QKI: variants seen among roughly 807,000 people sequenced by gnomAD.
The protein encoded by QKI is KH domain-containing RNA-binding protein QKI.
A neutral mutation model predicts 39.0 loss-of-function variants in QKI; 10 were observed. That is an observed-to-expected ratio of 0.26 (90% confidence interval 0.16 to 0.43). The LOEUF (loss-of-function observed/expected upper bound fraction) is 0.43, where lower values mean the gene tolerates loss of function less well. Ranked by LOEUF, QKI falls within the 20% of genes least tolerant of loss-of-function variation. The pLI is 1.00. For synonymous variants in QKI, 204 were observed against 155.4 expected (o/e 1.31, Z -2.33); for missense variants, 218 against 428.0 (o/e 0.51, Z 4.33).
intron 3 of QKI, among the ~76,000 whole-genome samples, chr6:163,481,475 TAC>T (rs1793073020): frequency 6.6e-6 from 1 of 152,100 alleles, no homozygotes; most frequent in Non-Finnish European, 1.5e-5. Flanking sequence ...TTGAAAAAAA[TAC>T]CTGTGAAAGG....
intron 3 of QKI, among the ~76,000 whole-genome samples, chr6:163,531,707 G>C (rs749680344): frequency 2.0e-5 from 3 of 152,160 alleles, no homozygotes; most frequent in Admixed American, 2.0e-4. Context: ...GGGTCTGACT[G>C]TTCCCCAGGC....
At chr6:163,472,807 A>G (rs1030816262) in intron 2 of QKI, among the ~76,000 whole-genome samples, 1 of 152,170 alleles carries the variant, frequency 6.6e-6, no homozygotes, top group Admixed American at 6.5e-5. Flanking sequence ...TGAAAATGAA[A>G]CTGCTCCCTA....
At chr6:163,423,310 C>G (rs1788153232) in intron 1 of QKI, 1 of 152,144 alleles carries the variant, frequency 6.6e-6, no homozygotes, top group Non-Finnish European at 1.5e-5. Flanking sequence ...AATTTGGAAC[C>G]TTTTTTGTAA....
intron 1 of QKI, among the ~76,000 whole-genome samples, chr6:163,439,308 C>T (rs931725902): frequency 3.6e-4 from 54 of 148,618 alleles, no homozygotes; most frequent in African/African-American, 1.1e-3. Flanking sequence ...TCAGAATTTT[C>T]GCTCTAGAAT....
At chr6:163,441,124 G>A (rs999800010) in intron 1 of QKI, among the ~76,000 whole-genome samples, 2 of 151,948 alleles carry the variant, frequency 1.3e-5, no homozygotes, top group Admixed American at 6.6e-5. Flanking sequence ...TATTGGCTCG[G>A]TTTTTTTCTT....
At chr6:163,506,171 C>T (rs73017335) in intron 3 of QKI, among the ~76,000 whole-genome samples, 2 of 149,716 alleles carry the variant, frequency 1.3e-5, no homozygotes, top group South Asian at 4.4e-4. Context: ...GTCAATTAAA[C>T]TACTTTTGTT....
chr6:163,510,108 C>T (rs1369291276), intron 3 of QKI, among the ~76,000 whole-genome samples: 2 of 151,850 alleles, frequency 1.3e-5, no homozygotes, highest in African/African-American at 4.8e-5. Flanking sequence ...GCCAGCTACT[C>T]AGGAGGCTGA....
chr6:163,418,416 C>T (rs2128206396), intron 1 of QKI, among the ~76,000 whole-genome samples: 1 of 152,200 alleles, frequency 6.6e-6, no homozygotes, highest in South Asian at 2.1e-4. Flanking sequence ...AATTCCTTGC[C>T]AAGTTAACCT....
At chr6:163,478,238 G>C (rs190915971) in intron 2 of QKI, among the ~76,000 whole-genome samples, 61 of 152,296 alleles carry the variant, frequency 4.0e-4, no homozygotes, top group Non-Finnish European at 7.1e-4. Flanking sequence ...AGGTAGAAAG[G>C]AATATGTACT....
intron 1 of QKI, among the ~76,000 whole-genome samples, chr6:163,435,395 C>T (rs528318369): frequency 1.3e-5 from 2 of 152,214 alleles, no homozygotes; most frequent in African/African-American, 4.8e-5. Flanking sequence ...AACTGGCAGC[C>T]TAATGGAAAT....
chr6:163,450,188 G>T (rs1459771523), intron 1 of QKI, among the ~76,000 whole-genome samples: 1 of 152,102 alleles, frequency 6.6e-6, no homozygotes, highest in Admixed American at 6.5e-5. Context: ...CTCCCGAGTA[G>T]CTGGGATGAC....
chr6:163,461,333 TC>T (rs1791332979), intron 2 of QKI, among the ~76,000 whole-genome samples: 1 of 152,194 alleles, frequency 6.6e-6, no homozygotes, highest in South Asian at 2.1e-4. Context: ...CTGATATTTT[TC>T]CAACGTTTAA....
Position 163,435,093 on chromosome 6 carries a change from C to G in QKI, c.142+19758C>G, listed in dbSNP as rs184450468. On this transcript the variant is annotated intron_variant, in intron 1 of 7. Transcript: ENST00000361752. The stretch of plus-strand genomic sequence containing the variant: ...TTGACTTTTTATCTCACAGTGAATT[C>G]ACAATAATACTGAATCTAGACGTTA... Among the ~76,000 whole-genome samples, 4 of 152,226 alleles carry G rather than the reference C, an allele frequency of 2.6e-5. No individual in the cohort carries two copies. In the East Asian group the frequency reaches 7.7e-4, roughly 29 times the overall value.
At chr6:163,543,695 G>T (rs1781686250) in intron 4 of QKI, among the ~76,000 whole-genome samples, 2 of 151,992 alleles carry the variant, frequency 1.3e-5, no homozygotes, top group Non-Finnish European at 2.9e-5. Context: ...TGTATAGAAG[G>T]CTGATAGCTT....
intron 3 of QKI, among the ~76,000 whole-genome samples, chr6:163,517,882 A>G (rs1425054896): frequency 6.6e-6 from 1 of 152,142 alleles, no homozygotes; most frequent in African/African-American, 2.4e-5. Context: ...GTGTTATTAG[A>G]TGATACACAG....
At chr6:163,556,775 T>C (rs1453356654) in intron 4 of QKI, among the ~76,000 whole-genome samples, 2 of 152,150 alleles carry the variant, frequency 1.3e-5, no homozygotes, top group South Asian at 2.1e-4. Flanking sequence ...ATTATCTTTC[T>C]ATAAATCTGA....
rs1029734128 is a variant in QKI, at chr6:163,513,210, T to C, written c.403-21772T>C. Among the ~76,000 whole-genome samples, 8 of 152,184 alleles carry C rather than the reference T, an allele frequency of 5.3e-5. 1 individual carries two copies. The highest frequency in any genetic ancestry group is 1.9e-4 in the African/African-American group (8 of 41,456). On this transcript the variant is annotated intron_variant, in intron 3 of 7. Coordinates refer to ENST00000361752, the MANE Select transcript of QKI (RefSeq NM_006775.3). Reference sequence around the variant, plus strand: ...CATCCACTGCAGGTCTTGGAACATATCGCTTGTAGATAAGAGGAGGACGAC... The same window carrying C: ...CATCCACTGCAGGTCTTGGAACATACCGCTTGTAGATAAGAGGAGGACGAC...
intron 1 of QKI, among the ~76,000 whole-genome samples, chr6:163,429,648 C>CA (rs1788678700): frequency 6.6e-6 from 1 of 152,066 alleles, no homozygotes. Flanking sequence ...CTTATTTTTG[C>CA]AATGCAGTTA....
At chr6:163,545,648 CAG>C (rs1212195490) in intron 4 of QKI, among the ~76,000 whole-genome samples, 4 of 152,182 alleles carry the variant, frequency 2.6e-5, no homozygotes, top group Admixed American at 2.6e-4. Flanking sequence ...CTTTCCCAAA[CAG>C]AGACTCTGTA....
Sources: allele counts gnomAD v4.1 joint callset (sites outside exome capture counted in the v4.1 genomes callset), GRCh38; gene constraint gnomAD v4.1.1; transcripts MANE v1.5; gene names NCBI Gene and HGNC (gene_info 2026-07-23, HGNC 2026-07-21).